The following SLC2A6 variants were observed in gnomAD, a reference collection of about 807,000 sequenced individuals.
SLC2A6 encodes solute carrier family 2 member 6, also known as solute carrier family 2, facilitated glucose transporter member 6.
In SLC2A6, 39 loss-of-function variants were observed where a neutral mutation model predicts 47.8. That is an observed-to-expected ratio of 0.82 (90% CI 0.63 to 1.07). The LOEUF (loss-of-function observed/expected upper bound fraction) is 1.07. Ranked by LOEUF, SLC2A6 falls within the 50% of genes least tolerant of loss-of-function variation. The pLI is 0.00. For synonymous variants in SLC2A6, 346 were observed against 324.1 expected (o/e 1.07, Z -0.73); for missense variants, 650 against 707.6 (o/e 0.92, Z 0.92).
At position 133,471,877 on chromosome 9, in the gene SLC2A6, G is replaced by T; in HGVS notation, c.*144C>A. ...CTGTCCCGAGCCAGGGGCACCCGCTGCTGAGGCCCCATCACACTGCTCTTC... is the reference window on the plus strand; with the variant it reads ...CTGTCCCGAGCCAGGGGCACCCGCTTCTGAGGCCCCATCACACTGCTCTTC... On this transcript the variant is annotated 3_prime_UTR_variant, in exon 10 of 10. Transcript: ENST00000371899. The T allele has an allele frequency of 1.0e-6, 1 of 976,052 alleles. No homozygotes were observed. 60.5% of individuals were successfully genotyped at this position (976,052 alleles called of 1,614,324 possible). A position where few individuals can be genotyped will look rare whatever the true frequency, so the allele number is the denominator to read the frequency against.
In SLC2A6 at chr9:133,474,107, C is replaced by G; in HGVS notation, c.928-19G>C. On this transcript the variant is annotated intron_variant, in intron 6 of 9. Coordinates refer to ENST00000371899, the MANE Select transcript of SLC2A6 (RefSeq NM_017585.4). ...TGGGGGGCTATCGGGGGGAGACCAC[C>G]AGGGCTGAGGGACCTGCCTGCTGTT... 6.4e-7 allele frequency: 1 copy of G among 1,572,796 alleles called. No homozygotes were observed. Among genetic ancestry groups the G allele is most frequent in the Non-Finnish European group, 8.6e-7 (1 of 1,159,836 alleles).
intron 5 of SLC2A6, 121 bp from the exon 6 acceptor site, chr9:133,475,234 G>A: frequency 7.2e-7 from 1 of 1,393,478 alleles, no homozygotes; most frequent in Non-Finnish European, 9.4e-7. Flanking sequence ...GAAAGAACCA[G>A]CTTACCAGGC....
At position 133,473,505 on chromosome 9, in the gene SLC2A6, C is replaced by T. The variant is rs142346579; in HGVS notation, c.1132G>A (p.Glu378Lys). The T allele has an allele frequency of 8.1e-6, 13 of 1,601,400 alleles. No individual in the cohort carries two copies. Among genetic ancestry groups the T allele is most frequent in the Admixed American group, 1.7e-5 (1 of 58,434 alleles). Reference protein sequence around the residue: ...SPNSTAGLESESWGDLAQPLA... With the variant: ...SPNSTAGLESKSWGDLAQPLA... ...GGCTGCGCCAAGTCCCCCCAGGACT[C>T]GCTTTCCAGGCCCGCAGTGCTGTTG... Residue 378 changes from glutamate (E) to lysine (K), a missense_variant, in exon 8 of 10, where the codon GAG (glutamate) becomes AAG (lysine). Physicochemically the swap from Glu to Lys is moderately conservative, Grantham distance 56. Transcript: ENST00000371899.
rs2131024486 is a variant in SLC2A6, at chr9:133,474,039, A to G, written c.977T>C (p.Val326Ala). The change falls in exon 7 of 10, where the codon GTG becomes GCG. Residue 326 changes from valine (V) to alanine (A), a missense_variant. Physicochemically the swap from Val to Ala is moderately conservative, Grantham distance 64 (BLOSUM62 0). Coordinates refer to ENST00000371899, the MANE Select transcript of SLC2A6 (RefSeq NM_017585.4). ...AIVGAVRLLSVLIAALTMDLA... is the reference protein window; with the variant it reads ...AIVGAVRLLSALIAALTMDLA... ...GTCCATGGTGAGGGCGGCGATCAGC[A>G]CGGACAGGAGCCGCACGGCCCCAAC... 6.2e-7 allele frequency: 1 copy of G among 1,610,970 alleles called. No individual in the cohort carries two copies. The highest frequency in any genetic ancestry group is 8.5e-7 in the Non-Finnish European group (1 of 1,179,170).
At chr9:133,476,932 C>A in intron 3 of SLC2A6, 103 bp downstream of exon 3, 4 of 1,299,524 alleles carry the variant, frequency 3.1e-6, no homozygotes, top group Non-Finnish European at 4.2e-6. Flanking sequence ...GCAAACAATT[C>A]TCATTGCCCA....
At chr9:133,474,142 C>G in intron 6 of SLC2A6, 54 bp from the exon 7 acceptor site, 1 of 1,418,990 alleles carries the variant, frequency 7.0e-7, no homozygotes, top group Non-Finnish European at 9.6e-7. Context: ...TCCCATCCCC[C>G]TCCAGGACCC....
intron 4 of SLC2A6, 70 bp from the exon 5 acceptor site, chr9:133,475,681 A>G (rs1588244292): frequency 2.9e-6 from 4 of 1,365,342 alleles, no homozygotes; most frequent in East Asian, 5.0e-5. Flanking sequence ...GAGCCTCTGA[A>G]TAACCTCATC....
chr9:133,478,949 C>G lies in SLC2A6; in HGVS notation c.92+19G>C, dbSNP rs930186634. 5.2e-6 allele frequency: 8 copies of G among 1,548,880 alleles called. No homozygotes were observed. The highest frequency in any genetic ancestry group is 6.9e-6 in the Non-Finnish European group (8 of 1,151,300). On this transcript the variant is annotated intron_variant, in intron 1 of 9. Coordinates refer to ENST00000371899, the MANE Select transcript of SLC2A6 (RefSeq NM_017585.4). ...CACCCCCAGGCCCCACCCGCAGCCC[C>G]CAACCTAGCGACTCTCACCCGACCC...
At chr9:133,476,156 A>T (rs940410690) in intron 4 of SLC2A6, 81 bp downstream of exon 4, 1 of 1,111,574 alleles carries the variant, frequency 9.0e-7, no homozygotes, top group South Asian at 1.4e-5. Flanking sequence ...GGGACAAATC[A>T]TTCCCTTTCC....
At chr9:133,473,756 G>A (rs1554802406) in intron 7 of SLC2A6, 156 bp from the exon 8 acceptor site, 5 of 834,580 alleles carry the variant, frequency 6.0e-6, no homozygotes, top group East Asian at 5.6e-5. Context: ...CTCCAGCCGC[G>A]TGTTAGGCTC....
chr9:133,477,226 C>T lies in SLC2A6; in HGVS notation c.271G>A (p.Gly91Arg), dbSNP rs1554803684. Residue 91 changes from glycine to arginine, a missense_variant, in exon 3 of 10, where the codon GGA (glycine) becomes AGA (arginine). Physicochemically the swap from Gly to Arg is moderately radical, Grantham distance 125. Transcript: ENST00000371899. ...ASWFGSVFTL[G>R]AAAGGLSAMI... The stretch of plus-strand genomic sequence containing the variant: ...GCACTCAGGCCTCCGGCCGCTGCTC[C>T]CAGGGTGAACACGGACTGCAGGGGA... The T allele has an allele frequency of 1.3e-6, 2 of 1,550,898 alleles. No individual in the cohort carries two copies. The highest frequency in any genetic ancestry group is 1.2e-5 in the South Asian group (1 of 84,066).
chr9:133,477,256 G>T lies in SLC2A6; in HGVS notation c.256-15C>A. On this transcript the variant is annotated splice_polypyrimidine_tract_variant and intron_variant, in intron 2 of 9. Coordinates refer to ENST00000371899, the MANE Select transcript of SLC2A6 (RefSeq NM_017585.4). Reference sequence around the variant, plus strand: ...GTGAACACGGACTGCAGGGGAAGGGGGTGCAGGGCAGATATGTCTGGGCAC... The same window carrying T: ...GTGAACACGGACTGCAGGGGAAGGGTGTGCAGGGCAGATATGTCTGGGCAC... 6.5e-7 allele frequency: 1 copy of T among 1,549,936 alleles called. No homozygotes were observed. The highest frequency in any genetic ancestry group is 8.7e-7 in the Non-Finnish European group (1 of 1,146,734).
intron 5 of SLC2A6, 126 bp downstream of exon 5, chr9:133,475,274 C>A (rs1554802995): frequency 1.5e-6 from 2 of 1,362,594 alleles, no homozygotes. Context: ...GCCCCCCACC[C>A]CAACCCAGGC....
Position 133,474,086 on chromosome 9 carries a change from G to A in SLC2A6, c.930C>T (p.Pro310=), listed in dbSNP as rs1308284326. 1.3e-6 allele frequency: 2 copies of A among 1,597,708 alleles called. No individual in the cohort carries two copies. Among genetic ancestry groups the A allele is most frequent in the African/African-American group, 2.7e-5 (2 of 74,814 alleles). Residue 310 remains proline (P), a splice_region_variant and synonymous_variant, in exon 7 of 10, where the codon CCC becomes CCT. Coordinates refer to ENST00000371899, the MANE Select transcript of SLC2A6 (RefSeq NM_017585.4). ...CAACGATGGCTGCGTCGTCCTTGGG[G>A]GGCTATCGGGGGGAGACCACCAGGG... ...SIFDSTAVLL[P]PKDDAAIVGA...
chr9:133,472,272 G>T (rs1017895689), intron 9 of SLC2A6, 96 bp from the exon 10 acceptor site: 2 of 1,423,826 alleles, frequency 1.4e-6, no homozygotes, highest in Non-Finnish European at 1.9e-6. Flanking sequence ...GACCAGCCCT[G>T]TGGGGCCTTC....
chr9:133,476,038 T>G lies in SLC2A6; in HGVS notation c.562+199A>C, dbSNP rs1843933040. 12 of 548,658 alleles carry G rather than the reference T, an allele frequency of 2.2e-5. No individual in the cohort carries two copies. The South Asian group carries it at 3.3e-4, about 15-fold the overall frequency. 34.0% of individuals were successfully genotyped at this position (548,658 alleles called of 1,614,324 possible). On this transcript the variant is annotated intron_variant, in intron 4 of 9. Coordinates refer to ENST00000371899, the MANE Select transcript of SLC2A6 (RefSeq NM_017585.4). ...AGCCCTGGCTGCCCCAGCTAGAGAC[T>G]GGGCCTGTGGCTAGAGGGGCAGGCC...
chr9:133,478,240 A>G lies in SLC2A6; in HGVS notation c.255+14T>C, dbSNP rs1382144671. 1 of 1,613,254 alleles carries G rather than the reference A, an allele frequency of 6.2e-7. No individual in the cohort carries two copies. Among genetic ancestry groups the G allele is most frequent in the Non-Finnish European group, 8.5e-7 (1 of 1,179,700 alleles). On this transcript the variant is annotated intron_variant, in intron 2 of 9. Transcript: ENST00000371899. The stretch of plus-strand genomic sequence containing the variant: ...CCTTCCTGCACCCACCCTCCTCCAG[A>G]GGATGGTCCTTACCCCAAACCAGGA...
In SLC2A6 at chr9:133,475,476, G is replaced by A. The variant is rs1554803084; in HGVS notation, c.698C>T (p.Ala233Val). 3.7e-6 allele frequency: 6 copies of A among 1,611,834 alleles called. No individual in the cohort carries two copies. The highest frequency in any genetic ancestry group is 5.1e-6 in the Non-Finnish European group (6 of 1,179,868). Residue 233 changes from alanine to valine, a missense_variant, in exon 5 of 10, where the codon GCG becomes GTG. Transcript: ENST00000371899. ...GTCCGTCCCACGCAGCCAGGCCAGC[G>A]CCCGCAGGGCCTCTTCGTCCCTGCC... ...SRGRDEEALR[A>V]LAWLRGTDVD...
At chr9:133,477,310 G>A (rs2131033019) in intron 2 of SLC2A6, 69 bp from the exon 3 acceptor site, 2 of 1,478,292 alleles carry the variant, frequency 1.4e-6, no homozygotes, top group East Asian at 5.0e-5. Context: ...CAGAGTCCAG[G>A]GACAGCTTCT....
Sources: gnomAD v4.1 joint callset for allele counts on GRCh38, gnomAD v4.1.1 for gene constraint, MANE v1.5 for transcripts, NCBI Gene and HGNC (gene_info 2026-07-23, HGNC 2026-07-21) for gene names.